The following LHPP variants were observed in gnomAD, a reference collection of about 807,000 sequenced individuals.
The protein encoded by LHPP is hLHPP.
A neutral mutation model predicts 30.3 loss-of-function variants in LHPP; 24 were observed. The ratio of observed to expected loss-of-function variants is 0.79; its 90% CI spans 0.57 to 1.11. The LOEUF (loss-of-function observed/expected upper bound fraction) is 1.11. LHPP is among the 50% of genes most tolerant of loss of function. LHPP has a pLI of 0.00. For synonymous variants in LHPP, 150 were observed against 157.1 expected (o/e 0.95, Z 0.34); for missense variants, 356 against 367.2 (o/e 0.97, Z 0.25).
intron 6 of LHPP, among the ~76,000 whole-genome samples, chr10:124,602,557 G>A (rs1418208432): frequency 3.9e-5 from 6 of 152,190 alleles, no homozygotes; most frequent in Non-Finnish European, 5.9e-5. Flanking sequence ...CCTGTGCCTC[G>A]GTTTACCCAC....
intron 6 of LHPP, among the ~76,000 whole-genome samples, chr10:124,583,184 T>C (rs1181324544): frequency 6.6e-6 from 1 of 152,232 alleles, no homozygotes; most frequent in African/African-American, 2.4e-5. Context: ...TCTTGTTGCT[T>C]ATAGTTTTGG....
chr10:124,516,844 G>A (rs1954467838), intron 5 of LHPP, among the ~76,000 whole-genome samples: 1 of 152,054 alleles, frequency 6.6e-6, no homozygotes, highest in Admixed American at 6.6e-5. Flanking sequence ...GAGTCTTTAG[G>A]GTCAGGTGAA....
intron 6 of LHPP, among the ~76,000 whole-genome samples, chr10:124,600,814 G>A (rs1487525957): frequency 6.6e-6 from 1 of 152,222 alleles, no homozygotes; most frequent in Non-Finnish European, 1.5e-5. Context: ...ATAACCCACA[G>A]TCCCCAGTGG....
intron 6 of LHPP, among the ~76,000 whole-genome samples, chr10:124,557,431 C>T (rs1005092830): frequency 1.1e-4 from 17 of 152,318 alleles, no homozygotes; most frequent in Admixed American, 9.8e-4. Flanking sequence ...AGCCGCTGGA[C>T]GAGTTCCAAA....
chr10:124,472,322 G>A (rs945499121), intron 1 of LHPP, among the ~76,000 whole-genome samples: 1 of 152,086 alleles, frequency 6.6e-6, no homozygotes, highest in African/African-American at 2.4e-5. Context: ...CAAAAAAAAT[G>A]TTGAGGTCTG....
chr10:124,600,152 G>A (rs965464781), intron 6 of LHPP, among the ~76,000 whole-genome samples: 5 of 152,242 alleles, frequency 3.3e-5, no homozygotes. Context: ...CCCCCTGTGG[G>A]CCACATTAGG....
At chr10:124,556,358 G>T (rs771070518) in intron 6 of LHPP, among the ~76,000 whole-genome samples, 1 of 152,192 alleles carries the variant, frequency 6.6e-6, no homozygotes, top group African/African-American at 2.4e-5. Flanking sequence ...CATTCTCCGG[G>T]GCCATCGTTT....
intron 6 of LHPP, among the ~76,000 whole-genome samples, chr10:124,572,022 C>T (rs1005394389): frequency 6.6e-5 from 10 of 152,162 alleles, no homozygotes; most frequent in African/African-American, 2.4e-4. Context: ...ACAGCCACTG[C>T]AGAGCCCCTT....
intron 6 of LHPP, among the ~76,000 whole-genome samples, chr10:124,608,449 T>C (rs906047498): frequency 7.9e-5 from 12 of 152,234 alleles, no homozygotes; most frequent in Non-Finnish European, 1.6e-4. Flanking sequence ...GCCACGAATA[T>C]TGGCTCCTGC....
At chr10:124,547,055 G>A (rs1412896104) in intron 6 of LHPP, among the ~76,000 whole-genome samples, 1 of 134,936 alleles carries the variant, frequency 7.4e-6, no homozygotes, top group Non-Finnish European at 1.6e-5. Context: ...ACACACACAG[G>A]AGGTTGTCCT....
chr10:124,601,523 C>T (rs1949020585), intron 6 of LHPP, among the ~76,000 whole-genome samples: 1 of 152,202 alleles, frequency 6.6e-6, no homozygotes, highest in Non-Finnish European at 1.5e-5. Flanking sequence ...GACCACCAAC[C>T]CGCTGGTGGG....
chr10:124,575,507 G>A (rs1057163122), intron 6 of LHPP, among the ~76,000 whole-genome samples: 5 of 152,118 alleles, frequency 3.3e-5, no homozygotes, highest in Admixed American at 6.5e-5. Context: ...CCTAGGATGC[G>A]TCAGCCCCTG....
chr10:124,481,679 C>T (rs1376133022), intron 1 of LHPP, among the ~76,000 whole-genome samples: 1 of 152,076 alleles, frequency 6.6e-6, no homozygotes, highest in Non-Finnish European at 1.5e-5. Flanking sequence ...CCATGCTCTG[C>T]CTTATCTGCC....
At chr10:124,525,999 T>C (rs542784455) in intron 6 of LHPP, among the ~76,000 whole-genome samples, 1 of 149,670 alleles carries the variant, frequency 6.7e-6, no homozygotes, top group South Asian at 2.1e-4. Flanking sequence ...GGCCTGGGGG[T>C]TGGCCCAGAA....
intron 6 of LHPP, among the ~76,000 whole-genome samples, chr10:124,565,737 C>G (rs1948477265): frequency 6.6e-6 from 1 of 152,198 alleles, no homozygotes; most frequent in Admixed American, 6.5e-5. Context: ...CCCATCGTCC[C>G]AACATGCAGC....
chr10:124,555,394 G>T (rs998094313), intron 6 of LHPP, among the ~76,000 whole-genome samples: 1 of 152,182 alleles, frequency 6.6e-6, no homozygotes, highest in Non-Finnish European at 1.5e-5. Context: ...AGGAAGGGAG[G>T]GTCCCTGCCT....
At chr10:124,511,281 C>A (rs1232818648) in intron 5 of LHPP, among the ~76,000 whole-genome samples, 1 of 152,126 alleles carries the variant, frequency 6.6e-6, no homozygotes, top group East Asian at 1.9e-4. Context: ...TCTCACTTAC[C>A]ATAATAGATT....
intron 3 of LHPP, among the ~76,000 whole-genome samples, chr10:124,492,056 C>T (rs1953549442): frequency 6.6e-6 from 1 of 152,204 alleles, no homozygotes. Context: ...CCTCACATTC[C>T]TGCACACACA....
chr10:124,468,376 T>C (rs1380513745), intron 1 of LHPP, among the ~76,000 whole-genome samples: 1 of 152,206 alleles, frequency 6.6e-6, no homozygotes, highest in Non-Finnish European at 1.5e-5. Flanking sequence ...CAGCCTGTTA[T>C]GTAGCTGGGA....
Sources: allele counts gnomAD v4.1 joint callset (sites outside exome capture counted in the v4.1 genomes callset), GRCh38; gene constraint gnomAD v4.1.1; transcripts MANE v1.5; gene names NCBI Gene and HGNC (gene_info 2026-07-23, HGNC 2026-07-21).